PCDHGA1: variants seen among roughly 807,000 people sequenced by gnomAD.
PCDHGA1 encodes protocadherin gamma subfamily A, 1, also known as protocadherin gamma-A1.
PCDHGA1 carries 32 observed loss-of-function variants against 58.0 expected under a neutral mutation model. The ratio of observed to expected loss-of-function variants is 0.55; its 90% CI spans 0.42 to 0.74. PCDHGA1 has a LOEUF of 0.74. PCDHGA1 is among the 30% of genes least tolerant of loss of function. The pLI, the probability that PCDHGA1 is intolerant of heterozygous loss-of-function variation, is 0.00. For missense variants in PCDHGA1, 1,205 were observed against 1,182.3 expected (o/e 1.02, Z -0.28); for synonymous variants, 498 against 501.1 (o/e 0.99, Z 0.08).
intron 1 of PCDHGA1, chr5:141,398,921 C>A: frequency 6.2e-7 from 1 of 1,613,962 alleles, no homozygotes; most frequent in African/African-American, 1.3e-5. Flanking sequence ...TTGCAAGTGT[C>A]AGCCACTGAC....
At chr5:141,341,272 C>T (rs1271734477) in intron 1 of PCDHGA1, 34 of 1,614,112 alleles carry the variant, frequency 2.1e-5, no homozygotes, top group Non-Finnish European at 2.8e-5. Context: ...GGAAGAGCCA[C>T]CTGATTTTCC....
intron 1 of PCDHGA1, among the ~76,000 whole-genome samples, chr5:141,347,143 CT>C (rs1561493446): frequency 9.6e-6 from 1 of 103,960 alleles, no homozygotes; most frequent in Non-Finnish European, 2.3e-5. Flanking sequence ...TTCTCTCTTT[CT>C]TTCTTTCTTT....
intron 2 of PCDHGA1, among the ~76,000 whole-genome samples, chr5:141,502,358 TA>T (rs1283802909): frequency 6.6e-6 from 1 of 152,134 alleles, no homozygotes; most frequent in African/African-American, 2.4e-5. Context: ...ATGACATGGA[TA>T]TTTTTAAAGA....
At chr5:141,388,290 A>T (rs1299323228) in intron 1 of PCDHGA1, 1 of 1,613,388 alleles carries the variant, frequency 6.2e-7, no homozygotes, top group Non-Finnish European at 8.5e-7. Flanking sequence ...ATTCACGCAA[A>T]ATTCCTTTGA....
intron 1 of PCDHGA1, chr5:141,376,715 T>C: frequency 1.6e-6 from 1 of 622,970 alleles, no homozygotes; most frequent in Non-Finnish European, 2.6e-6. Flanking sequence ...AGTCTCGCTC[T>C]GTCGCCCAGG....
chr5:141,511,351 C>G lies in PCDHGA1; in HGVS notation c.*178C>G, dbSNP rs1190324197. On this transcript the variant is annotated 3_prime_UTR_variant, in exon 4 of 4. Coordinates refer to ENST00000517417, the MANE Select transcript of PCDHGA1 (RefSeq NM_018912.3). The stretch of plus-strand genomic sequence containing the variant: ...CCAGTCAGCACCTACCCCTTCCCCC[C>G]CAGGGGGTTGAATATGCAAAAGCAG... 6 of 1,386,432 alleles carry G rather than the reference C, an allele frequency of 4.3e-6. No individual in the cohort carries two copies. The highest frequency in any genetic ancestry group is 2.9e-5 in the African/African-American group (2 of 68,574). The allele number at this position is 1,386,432 out of a possible 1,614,324, so 85.9% of individuals were successfully genotyped here.
At position 141,478,749 on chromosome 5, in the gene PCDHGA1, G is replaced by A. The variant is rs1306895064; in HGVS notation, c.2422-16058G>A. On this transcript the variant is annotated intron_variant, in intron 1 of 3. Coordinates refer to ENST00000517417, the MANE Select transcript of PCDHGA1 (RefSeq NM_018912.3). ...GAGTGTGGTTTGTGGTCCCATTTCA[G>A]GGGGAAGATACTTGACTCATCTGTG... The A allele has an allele frequency of 3.3e-6, 5 of 1,524,326 alleles. No homozygotes were observed. The South Asian group carries it at 6.4e-5, about 19-fold the overall frequency. The allele number at this position is 1,524,326 out of a possible 1,614,324, so 94.4% of individuals were successfully genotyped here.
In PCDHGA1 at chr5:141,360,370, C is replaced by T. The variant is rs115198789; in HGVS notation, c.2421+27265C>T. 18 of 1,613,810 alleles carry T rather than the reference C, an allele frequency of 1.1e-5. No homozygotes were observed. The highest frequency in any genetic ancestry group is 1.4e-5 in the Non-Finnish European group (17 of 1,179,800). On this transcript the variant is annotated intron_variant, in intron 1 of 3. Coordinates refer to ENST00000517417, the MANE Select transcript of PCDHGA1 (RefSeq NM_018912.3). ...GGAGAAGGAATATTTCACAGTAAAC[C>T]CAGAAAGCGGAGACTTACTTGTGAG...
intron 1 of PCDHGA1, chr5:141,387,968 G>A (rs1169859236): frequency 7.4e-6 from 11 of 1,489,402 alleles, no homozygotes; most frequent in Non-Finnish European, 9.9e-6. Flanking sequence ...TCTGCCCGGC[G>A]CTCTGTGAGC....
chr5:141,353,252 T>A, intron 1 of PCDHGA1, among the ~76,000 whole-genome samples: 1 of 152,210 alleles, frequency 6.6e-6, no homozygotes, highest in East Asian at 1.9e-4. Context: ...CTTTTCTTAG[T>A]TGATATGCAA....
intron 3 of PCDHGA1, among the ~76,000 whole-genome samples, chr5:141,506,700 G>GT (rs1446452157): frequency 2.0e-5 from 3 of 152,138 alleles, no homozygotes; most frequent in Admixed American, 1.3e-4. Context: ...ACCCAAACCC[G>GT]TTTTTTACTG....
chr5:141,461,088 G>A (rs2099008870), intron 1 of PCDHGA1, among the ~76,000 whole-genome samples: 1 of 151,800 alleles, frequency 6.6e-6, no homozygotes, highest in Non-Finnish European at 1.5e-5. Context: ...GAATTGTGCT[G>A]CTATAAACAT....
chr5:141,408,549 T>C, intron 1 of PCDHGA1: 1 of 1,614,016 alleles, frequency 6.2e-7, no homozygotes, highest in Non-Finnish European at 8.5e-7. Flanking sequence ...CCTTTAAATA[T>C]TTTTCATGTC....
chr5:141,351,409 G>A, intron 1 of PCDHGA1: 2 of 1,611,420 alleles, frequency 1.2e-6, no homozygotes, highest in Non-Finnish European at 1.7e-6. Context: ...GCTATACTCA[G>A]GAAGAAGTTC....
chr5:141,427,697 A>G (rs1306378691), intron 1 of PCDHGA1: 3 of 924,392 alleles, frequency 3.2e-6, no homozygotes, highest in South Asian at 1.4e-5. Context: ...CCATCCCACA[A>G]GTCAGCGCCT....
chr5:141,361,633 G>A (rs891072773), intron 1 of PCDHGA1: 1 of 1,613,904 alleles, frequency 6.2e-7, no homozygotes, highest in Non-Finnish European at 8.5e-7. Context: ...GAAGCCGCGG[G>A]AGATTTTATC....
At chr5:141,488,159 C>T (rs888153570) in intron 1 of PCDHGA1, among the ~76,000 whole-genome samples, 1 of 152,126 alleles carries the variant, frequency 6.6e-6, no homozygotes, top group Non-Finnish European at 1.5e-5. Flanking sequence ...GAGAGGCACG[C>T]ATCAGAGTGG....
rs1588437928 is a variant in PCDHGA1 at position 141,331,753 on chromosome 5, C to T, written c.1069C>T (p.Pro357Ser). The T allele has an allele frequency of 8.7e-6, 14 of 1,613,992 alleles. No individual in the cohort carries two copies. In the East Asian group the frequency reaches 2.9e-4, roughly 33 times the overall value. Reference protein sequence around the residue: ...VTITSVTTAVPENFPPGTIIA... With the variant: ...VTITSVTTAVSENFPPGTIIA... Reference sequence around the variant, plus strand: ...CATCACCTCTGTCACCACTGCAGTTCCAGAAAACTTTCCTCCTGGGACCAT... The same window carrying T: ...CATCACCTCTGTCACCACTGCAGTTTCAGAAAACTTTCCTCCTGGGACCAT... Residue 357 changes from proline (P) to serine (S), a missense_variant, in exon 1 of 4, where the codon CCA becomes TCA. Coordinates refer to ENST00000517417, the MANE Select transcript of PCDHGA1 (RefSeq NM_018912.3).
At chr5:141,350,814 G>A (rs1758567733) in intron 1 of PCDHGA1, 2 of 1,614,022 alleles carry the variant, frequency 1.2e-6, no homozygotes, top group Non-Finnish European at 1.7e-6. Flanking sequence ...AGTCCTGATG[G>A]AAGTAAATAT....
Sources: gnomAD v4.1 joint callset for allele counts (sites outside exome capture counted in the v4.1 genomes callset) on GRCh38, gnomAD v4.1.1 for gene constraint, MANE v1.5 for transcripts, NCBI Gene and HGNC (gene_info 2026-07-23, HGNC 2026-07-21) for gene names.